GNL3L: variants seen among roughly 807,000 people sequenced by gnomAD.
GNL3L encodes guanine nucleotide-binding protein-like 3-like protein.
In GNL3L, 4 loss-of-function variants were observed where a neutral mutation model predicts 42.9. The ratio of observed to expected loss-of-function variants is 0.09; its 90% CI spans 0.05 to 0.21. The LOEUF (loss-of-function observed/expected upper bound fraction) is 0.21, where lower values mean the gene tolerates loss of function less well. Ranked by LOEUF, GNL3L falls within the 10% of genes least tolerant of loss-of-function variation. GNL3L has a pLI of 1.00. For missense variants in GNL3L, 412 were observed against 481.7 expected, an observed-to-expected ratio of 0.86 and a Z score of 1.36; for synonymous variants, 159 against 176.3, an observed-to-expected ratio of 0.90 and a Z score of 0.78.
rs760421174 is a variant in GNL3L at position 54,540,169 on chromosome X, A to G, written c.116A>G (p.Lys39Arg). 3.3e-6 allele frequency: 4 copies of G among 1,208,955 alleles called. No homozygotes were observed. Among genetic ancestry groups the G allele is most frequent in the African/African-American group, 1.7e-5 (1 of 57,764 alleles). Residue 39 changes from lysine to arginine, a missense_variant, in exon 4 of 16, where the codon AAA becomes AGA. Coordinates refer to ENST00000360845, the MANE Select transcript of GNL3L (RefSeq NM_001184819.2). ...AKQNGKKATS[K>R]VPSAPHFVHP... The stretch of plus-strand genomic sequence containing the variant: ...CAAAATGGGAAGAAAGCAACCTCCA[A>G]AGTGCCCTCTGCACCTCATTTTGTT...
chrX:54,615,173 G>A (rs1446446392), intron 16 of GNL3L, among the ~76,000 whole-genome samples: 1 of 112,123 alleles, frequency 8.9e-6, no homozygotes, highest in African/African-American at 3.2e-5. Context: ...CATTAAATAT[G>A]TGACCTTTTG....
chrX:54,545,594 T>C lies in GNL3L; in HGVS notation c.630+1268T>C, dbSNP rs1299699497. 2.5e-4 allele frequency among the ~76,000 whole-genome samples: 28 copies of C among 111,901 alleles called. 1 individual carries two copies. In the Admixed American group the frequency reaches 2.7e-3, roughly 11 times the overall value. On this transcript the variant is annotated intron_variant, in intron 8 of 15. Transcript: ENST00000360845. ...CAGTTCTTCCCAATTATATCATTAA[T>C]AGAGAAATATGTATGGTTTGTAAAA...
At position 54,563,237 on chromosome X, in the gene GNL3L, GTGGTT is replaced by G. The variant is rs1274354616; in HGVS notation, c.*2638_*2642del. On this transcript the variant is annotated 3_prime_UTR_variant, in exon 16 of 16. Transcript: ENST00000360845. ...AAATACAGACAGTCCCCGACTTTTG[GTGGTT>G]TGATGTGGGATTTTTGGTGGAAAAG... Among the ~76,000 whole-genome samples the G allele has an allele frequency of 9.0e-6, 1 of 111,255 alleles. No individual in the cohort carries two copies. Among genetic ancestry groups the G allele is most frequent in the Non-Finnish European group, 1.9e-5 (1 of 53,135 alleles).
chrX:54,562,794 G>GA lies in GNL3L; in HGVS notation c.*2207dup, dbSNP rs375010796. Among the ~76,000 whole-genome samples the GA allele has an allele frequency of 8.3e-3, 782 of 94,282 alleles. 4 individuals are homozygous for GA. Among genetic ancestry groups the GA allele is most frequent in the Non-Finnish European group, 0.011 (528 of 46,679 alleles). 81.9% of individuals were successfully genotyped at this position (94,282 alleles called of 115,157 possible). A position where few individuals can be genotyped will look rare whatever the true frequency, so the allele number is the denominator to read the frequency against. On this transcript the variant is annotated 3_prime_UTR_variant, in exon 16 of 16. Coordinates refer to ENST00000360845, the MANE Select transcript of GNL3L (RefSeq NM_001184819.2). ...GGGGACAGAGTGAGACTTCGTCTCG[G>GA]AAAAAAAAAAAAAAAGTTGACAGGA...
the GNL3L span, among the ~76,000 whole-genome samples, chrX:54,644,372 T>C: frequency 1.8e-5 from 2 of 112,380 alleles, no homozygotes. Flanking sequence ...GATTCATCCA[T>C]GTTGTCTGCT....
downstream of GNL3L, among the ~76,000 whole-genome samples, chrX:54,571,089 T>G (rs1240557211): frequency 9.0e-6 from 1 of 111,650 alleles, no homozygotes; most frequent in African/African-American, 3.3e-5. Flanking sequence ...TTGAAAGGTA[T>G]TTTTGCTACA....
intron 16 of GNL3L, among the ~76,000 whole-genome samples, chrX:54,590,346 A>G (rs1925852353): frequency 8.9e-6 from 1 of 112,222 alleles, no homozygotes; most frequent in South Asian, 3.6e-4. Flanking sequence ...TTTGCCATGT[A>G]TATGTCTTCT....
At chrX:54,604,973 T>G (rs1033783659) in intron 16 of GNL3L, among the ~76,000 whole-genome samples, 4 of 111,673 alleles carry the variant, frequency 3.6e-5, no homozygotes, top group South Asian at 3.8e-4. Flanking sequence ...GCTCATTAAC[T>G]GCCTGGTTGG....
In GNL3L at chrX:54,560,739, C is replaced by T; in HGVS notation, c.*137C>T. On this transcript the variant is annotated 3_prime_UTR_variant, in exon 16 of 16. Coordinates refer to ENST00000360845, the MANE Select transcript of GNL3L (RefSeq NM_001184819.2). ...TCCCCACTGTGTGTCTTCTCCCCCTCCTCCAGTAAAAACAGTCCCGGCTAG... is the reference window on the plus strand; with the variant it reads ...TCCCCACTGTGTGTCTTCTCCCCCTTCTCCAGTAAAAACAGTCCCGGCTAG... 1 of 485,091 alleles carries T rather than the reference C, an allele frequency of 2.1e-6. No individual in the cohort carries two copies. The highest frequency in any genetic ancestry group is 3.6e-6 in the Non-Finnish European group (1 of 275,660). The allele number at this position is 485,091 out of a possible 1,213,427, so 40.0% of individuals were successfully genotyped here. A position where few individuals can be genotyped will look rare whatever the true frequency, so the allele number is the denominator to read the frequency against.
intron 1 of GNL3L, among the ~76,000 whole-genome samples, chrX:54,531,203 G>A (rs149755053): frequency 0.045 from 4,998 of 111,728 alleles, 125 homozygotes; most frequent in Non-Finnish European, 0.06. Context: ...GAGGGGCTCA[G>A]ATGTGTTCCT....
chrX:54,626,836 T>C, the GNL3L span, among the ~76,000 whole-genome samples: 1 of 111,690 alleles, frequency 9.0e-6, no homozygotes, highest in Non-Finnish European at 1.9e-5. Flanking sequence ...TATTTAGTTC[T>C]TTTGCCCACT....
At chrX:54,640,586 A>T in the GNL3L span, among the ~76,000 whole-genome samples, 1 of 112,642 alleles carries the variant, frequency 8.9e-6, no homozygotes, top group East Asian at 2.8e-4. Flanking sequence ...CTAGTGTTTG[A>T]CCACCAAAAT....
downstream of GNL3L, among the ~76,000 whole-genome samples, chrX:54,624,922 C>A (rs905625788): frequency 6.3e-5 from 7 of 111,532 alleles, no homozygotes; most frequent in Non-Finnish European, 1.3e-4. Context: ...CCAATTTTCC[C>A]TTATTATAGG....
chrX:54,593,029 G>A (rs1464455620), intron 16 of GNL3L, among the ~76,000 whole-genome samples: 1 of 110,885 alleles, frequency 9.0e-6, no homozygotes, highest in Non-Finnish European at 1.9e-5. Flanking sequence ...TTGTTAGTAC[G>A]TTGAGGATTT....
chrX:54,549,894 A>G lies in GNL3L; in HGVS notation c.776-1069A>G, dbSNP rs773136512. Among the ~76,000 whole-genome samples, 3 of 111,093 alleles carry G rather than the reference A, an allele frequency of 2.7e-5. No homozygotes were observed. The South Asian group carries it at 1.2e-3, about 43-fold the overall frequency. The stretch of plus-strand genomic sequence containing the variant: ...AGGTTAAGGAGGCGCAGACAGGGAG[A>G]GAGTAGAAGAGACACCGTGAGACAC... On this transcript the variant is annotated intron_variant, in intron 9 of 15. Coordinates refer to ENST00000360845, the MANE Select transcript of GNL3L (RefSeq NM_001184819.2).
chrX:54,560,604 C>A lies in GNL3L; in HGVS notation c.*2C>A. Reference sequence around the variant, plus strand: ...GCTGATGATGGTGTTGGTGACTAATCGACTGATCTCACTTCCCTTCCGCTC... The same window carrying A: ...GCTGATGATGGTGTTGGTGACTAATAGACTGATCTCACTTCCCTTCCGCTC... On this transcript the variant is annotated 3_prime_UTR_variant, in exon 16 of 16. Coordinates refer to ENST00000360845, the MANE Select transcript of GNL3L (RefSeq NM_001184819.2). 9.5e-7 allele frequency: 1 copy of A among 1,058,074 alleles called. No individual in the cohort carries two copies. Among genetic ancestry groups the A allele is most frequent in the Non-Finnish European group, 1.3e-6 (1 of 755,906 alleles). 87.2% of individuals were successfully genotyped at this position (1,058,074 alleles called of 1,213,427 possible). A position where few individuals can be genotyped will look rare whatever the true frequency, so the allele number is the denominator to read the frequency against.
Position 54,607,072 on chromosome X carries a change from CTCTTTCTTTCTTCTTTCTTTCTT to C in GNL3L, c.*46-13760_*46-13738del, listed in dbSNP as rs1319353039. ...TCTTTCTTTCTTTCTTTCTTTCTTT[CTCTTTCTTTCTTCTTTCTTTCTT>C]TCTTTCTTTCTTTCTTTCTTTCTTT... is the stretch of plus-strand genomic sequence containing the variant. On this transcript the variant is annotated intron_variant, in intron 16 of 16. Transcript: ENST00000674498. Among the ~76,000 whole-genome samples the C allele has an allele frequency of 8.5e-3, 194 of 22,821 alleles. 9 individuals carry two copies. The highest frequency in any genetic ancestry group is 0.047 in the South Asian group (21 of 445). The allele number at this position is 22,821 out of a possible 115,157, so 19.8% of individuals were successfully genotyped here.
intron 16 of GNL3L, among the ~76,000 whole-genome samples, chrX:54,581,207 A>G (rs1925709902): frequency 8.9e-6 from 1 of 112,315 alleles, no homozygotes; most frequent in South Asian, 3.7e-4. Context: ...CAGAATATTG[A>G]TATTGATAAA....
chrX:54,632,205 C>T, the GNL3L span, among the ~76,000 whole-genome samples: 1 of 111,489 alleles, frequency 9.0e-6, no homozygotes, highest in South Asian at 3.7e-4. Context: ...TCTTAAGATT[C>T]TTTCCTTCAT....
Sources: allele counts gnomAD v4.1 joint callset (sites outside exome capture counted in the v4.1 genomes callset), GRCh38; gene constraint gnomAD v4.1.1; transcripts MANE v1.5; gene names NCBI Gene and HGNC (gene_info 2026-07-23, HGNC 2026-07-21).